Variants in R3HDM1 observed in about 807,000 individuals in gnomAD.
R3HDM1 encodes R3H domain-containing protein 1.
In R3HDM1, 46 loss-of-function variants were observed where a neutral mutation model predicts 141.1. That is an observed-to-expected ratio of 0.33 (90% confidence interval 0.26 to 0.42). The LOEUF (loss-of-function observed/expected upper bound fraction) is 0.42, where lower values mean the gene tolerates loss of function less well. Among genes scored for constraint, R3HDM1 ranks in the 10% least tolerant of loss-of-function variants. The pLI, the probability that R3HDM1 is intolerant of heterozygous loss-of-function variation, is 1.00. For missense variants in R3HDM1, 1,184 were observed against 1,368.3 expected (o/e 0.87, Z 2.12); for synonymous variants, 435 against 472.9 (o/e 0.92, Z 1.04).
intron 9 of R3HDM1, among the ~76,000 whole-genome samples, chr2:135,633,191 G>A (rs573202195): frequency 2.6e-5 from 4 of 152,014 alleles, no homozygotes; most frequent in East Asian, 1.9e-4. Flanking sequence ...ATATCCCTTC[G>A]TCTTTAATAT....
intron 16 of R3HDM1, chr2:135,649,190 C>G (rs1024677130): frequency 6.6e-6 from 1 of 152,010 alleles, no homozygotes; most frequent in African/African-American, 2.4e-5. Flanking sequence ...CTCAGCCTCC[C>G]GAGTAGCTGG....
chr2:135,562,428 A>G (rs1657394743), intron 1 of R3HDM1, among the ~76,000 whole-genome samples: 1 of 152,242 alleles, frequency 6.6e-6, no homozygotes, highest in East Asian at 1.9e-4. Flanking sequence ...TATTCTGTCA[A>G]TGCCAATTCT....
At chr2:135,628,660 C>G (rs1350889679) in intron 7 of R3HDM1, among the ~76,000 whole-genome samples, 2 of 152,162 alleles carry the variant, frequency 1.3e-5, no homozygotes, top group Non-Finnish European at 2.9e-5. Flanking sequence ...GAGTTTCACT[C>G]TTGTTGCCCA....
intron 19 of R3HDM1, among the ~76,000 whole-genome samples, chr2:135,661,642 G>C (rs1455483098): frequency 1.3e-5 from 2 of 152,216 alleles, no homozygotes; most frequent in East Asian, 3.8e-4. Context: ...AGTTTGTTAA[G>C]TGGCTGCCAT....
At chr2:135,694,390 C>T (rs976047560) in intron 21 of R3HDM1, among the ~76,000 whole-genome samples, 12 of 152,108 alleles carry the variant, frequency 7.9e-5, no homozygotes, top group African/African-American at 2.4e-4. Context: ...TGGCATCTTA[C>T]GTGGTATCAG....
Position 135,641,659 on chromosome 2 carries a change from G to A in R3HDM1, c.1343G>A (p.Ser448Asn). Residue 448 changes from serine (S) to asparagine (N), a missense_variant, in exon 15 of 27, where the codon AGC (serine) becomes AAC (asparagine). Physicochemically the swap from Ser to Asn is conservative, Grantham distance 46. Around this residue, in one of 5 missense-constraint regions of R3HDM1, gnomAD observed 240 missense variants for 312.3 expected, o/e 0.77. Coordinates refer to ENST00000683871, the MANE Select transcript of R3HDM1 (RefSeq NM_001378107.1). ...HGAPVVYPTV[S>N]THSSLSFDGG... Reference sequence around the variant, plus strand: ...GCACCTGTCGTCTATCCAACTGTCAGCACTCATAGTTCTCTTTCCTTTGAT... The same window carrying A: ...GCACCTGTCGTCTATCCAACTGTCAACACTCATAGTTCTCTTTCCTTTGAT... The A allele has an allele frequency of 6.2e-7, 1 of 1,614,124 alleles. No homozygotes were observed. The highest frequency in any genetic ancestry group is 1.3e-5 in the African/African-American group (1 of 75,032).
At chr2:135,543,025 A>G (rs1697952357) in intron 1 of R3HDM1, 1 of 900,980 alleles carries the variant, frequency 1.1e-6, no homozygotes, top group South Asian at 5.1e-5. Flanking sequence ...GGTGTGAGCC[A>G]CTGTCCCTGG....
At chr2:135,698,822 A>T (rs1157156459) in intron 21 of R3HDM1, among the ~76,000 whole-genome samples, 3 of 151,604 alleles carry the variant, frequency 2.0e-5, no homozygotes, top group Non-Finnish European at 4.4e-5. Context: ...ACCAGATCTC[A>T]TGAGAACTCA....
At chr2:135,622,581 C>T (rs1365431414) in intron 6 of R3HDM1, 73 bp from the exon 7 acceptor site, 2 of 1,482,462 alleles carry the variant, frequency 1.3e-6, no homozygotes, top group Admixed American at 2.7e-5. Context: ...GATATATATA[C>T]ATCATGTGTA....
intron 9 of R3HDM1, among the ~76,000 whole-genome samples, chr2:135,634,170 C>T (rs1259874813): frequency 6.6e-6 from 1 of 152,062 alleles, no homozygotes; most frequent in Non-Finnish European, 1.5e-5. Context: ...TTACTTCTTA[C>T]ATATATTTAT....
intron 21 of R3HDM1, among the ~76,000 whole-genome samples, chr2:135,693,331 CA>C (rs1407246644): frequency 1.3e-5 from 2 of 151,736 alleles, no homozygotes; most frequent in Admixed American, 6.6e-5. Flanking sequence ...CATAGTTTGC[CA>C]ACTCCTGTAC....
intron 1 of R3HDM1, chr2:135,587,152 A>C: frequency 3.1e-6 from 1 of 326,932 alleles, no homozygotes. Context: ...GGAGTATCTT[A>C]TTCCTAATTA....
chr2:135,572,042 A>T (rs1283967508), intron 1 of R3HDM1, among the ~76,000 whole-genome samples: 3 of 151,862 alleles, frequency 2.0e-5, no homozygotes, highest in Non-Finnish European at 2.9e-5. Flanking sequence ...TGCAACCTCC[A>T]CCTCCCGGGT....
chr2:135,625,394 G>A (rs573993564), intron 7 of R3HDM1, among the ~76,000 whole-genome samples: 295 of 152,000 alleles, frequency 1.9e-3, no homozygotes, highest in African/African-American at 6.6e-3. Context: ...GCAGTGAGCC[G>A]AGATCACGCC....
intron 1 of R3HDM1, among the ~76,000 whole-genome samples, chr2:135,569,445 T>C (rs536531575): frequency 2.0e-5 from 3 of 151,680 alleles, no homozygotes; most frequent in Non-Finnish European, 4.4e-5. Context: ...ATTGAGCCAC[T>C]GCACTCCAGC....
chr2:135,685,906 A>G (rs1274439899), intron 21 of R3HDM1, among the ~76,000 whole-genome samples: 3 of 152,180 alleles, frequency 2.0e-5, no homozygotes, highest in African/African-American at 7.2e-5. Context: ...AAGGAATTAC[A>G]TGTCTAGAAC....
intron 1 of R3HDM1, among the ~76,000 whole-genome samples, chr2:135,574,614 G>A (rs1406300723): frequency 1.3e-5 from 2 of 152,154 alleles, no homozygotes; most frequent in East Asian, 1.9e-4. Context: ...TCATTGTGAA[G>A]TGATATACCA....
At chr2:135,720,538 G>A (rs539917842) in intron 24 of R3HDM1, among the ~76,000 whole-genome samples, 31 of 152,320 alleles carry the variant, frequency 2.0e-4, no homozygotes, top group Admixed American at 1.8e-3. Flanking sequence ...AGCCTTTGCC[G>A]TGTGATGACT....
At chr2:135,645,930 T>C (rs2064345798) in intron 16 of R3HDM1, among the ~76,000 whole-genome samples, 2 of 152,188 alleles carry the variant, frequency 1.3e-5, no homozygotes, top group South Asian at 4.1e-4. Context: ...TTCTGCAAGG[T>C]ACTCTTCATC....
Sources: allele counts gnomAD v4.1 joint callset (sites outside exome capture counted in the v4.1 genomes callset), GRCh38; gene constraint gnomAD v4.1.1; regional missense constraint gnomAD v4.1.1; transcripts MANE v1.5; gene names NCBI Gene and HGNC (gene_info 2026-07-23, HGNC 2026-07-21).